Variants in FHIT observed in about 807,000 individuals in gnomAD.
The protein encoded by FHIT is fragile histidine triad diadenosine triphosphatase.
In FHIT, 19 loss-of-function variants were observed where a neutral mutation model predicts 17.9. The observed-to-expected ratio is 1.06, with a 90% CI of 0.74 to 1.56. The LOEUF (loss-of-function observed/expected upper bound fraction) is 1.56, where lower values mean the gene tolerates loss of function less well. Among genes scored for constraint, FHIT ranks in the 40% most tolerant of loss-of-function variants. The pLI, the probability that FHIT is intolerant of heterozygous loss-of-function variation, is 0.00. For synonymous variants in FHIT, 81 were observed against 69.7 expected (o/e 1.16, Z -0.81); for missense variants, 248 against 189.2 (o/e 1.31, Z -1.82).
At position 60,312,105 on chromosome 3, in the gene FHIT, A is replaced by G. The variant is rs75071295; in HGVS notation, c.103+224755T>C. ...ACTGTTTGGTGAAACCTTTAATTATATATGTGTAGGAGTATAGATGCTCTC... is the reference window on the plus strand; with the variant it reads ...ACTGTTTGGTGAAACCTTTAATTATGTATGTGTAGGAGTATAGATGCTCTC... On this transcript the variant is annotated intron_variant, in intron 5 of 9. Coordinates refer to ENST00000492590, the MANE Select transcript of FHIT (RefSeq NM_002012.4). Among the ~76,000 whole-genome samples the G allele has an allele frequency of 3.9e-3, 587 of 152,300 alleles. 2 individuals are homozygous for G. Among genetic ancestry groups the G allele is most frequent in the African/African-American group, 0.013 (555 of 41,558 alleles).
At chr3:60,521,744 G>A (rs1424576419) in intron 5 of FHIT, among the ~76,000 whole-genome samples, 1 of 152,156 alleles carries the variant, frequency 6.6e-6, no homozygotes, top group East Asian at 1.9e-4. Flanking sequence ...CCCCATATGG[G>A]ACTAAAATAC....
chr3:61,086,633 G>C lies in FHIT; in HGVS notation c.-163-44534C>G, dbSNP rs1052247597. ...CACTTCAATGCACCTCCTCCCTCCA[G>C]GGTTCTGACCCCTCAAGTCCTGGAT... On this transcript the variant is annotated intron_variant, in intron 2 of 9. Coordinates refer to ENST00000492590, the MANE Select transcript of FHIT (RefSeq NM_002012.4). Among the ~76,000 whole-genome samples, 5 of 152,104 alleles carry C rather than the reference G, an allele frequency of 3.3e-5. No individual in the cohort carries two copies. In the East Asian group the frequency reaches 9.7e-4, roughly 29 times the overall value.
intron 5 of FHIT, among the ~76,000 whole-genome samples, chr3:60,304,278 A>G (rs1708574559): frequency 6.6e-6 from 1 of 152,124 alleles, no homozygotes; most frequent in Non-Finnish European, 1.5e-5. Flanking sequence ...TTTGGCAAGT[A>G]AATCAACAAT....
At chr3:60,148,033 T>G (rs1437632233) in intron 5 of FHIT, among the ~76,000 whole-genome samples, 1 of 152,158 alleles carries the variant, frequency 6.6e-6, no homozygotes, top group East Asian at 1.9e-4. Context: ...TGGGATGTGC[T>G]AGATTAATGG....
At chr3:60,264,698 C>CTCCTTT (rs1450961328) in intron 5 of FHIT, among the ~76,000 whole-genome samples, 2 of 151,938 alleles carry the variant, frequency 1.3e-5, no homozygotes, top group Non-Finnish European at 2.9e-5. Context: ...AATGTGGACT[C>CTCCTTT]TCCTTTTCTC....
At chr3:60,225,405 A>G (rs1229841786) in intron 5 of FHIT, among the ~76,000 whole-genome samples, 1 of 152,242 alleles carries the variant, frequency 6.6e-6, no homozygotes, top group East Asian at 1.9e-4. Flanking sequence ...GGAGGAAAGA[A>G]GACAGAGTAT....
At chr3:60,552,841 T>A (rs1426897411) in intron 4 of FHIT, among the ~76,000 whole-genome samples, 1 of 152,226 alleles carries the variant, frequency 6.6e-6, no homozygotes, top group East Asian at 1.9e-4. Flanking sequence ...CATTTATTTC[T>A]GAGTGGGGCC....
intron 3 of FHIT, among the ~76,000 whole-genome samples, chr3:60,887,711 G>C (rs576884542): frequency 2.6e-5 from 4 of 152,172 alleles, no homozygotes; most frequent in East Asian, 3.9e-4. Context: ...TACCAAAAAA[G>C]GGTTCTGACT....
At chr3:60,495,319 C>T (rs1257561242) in intron 5 of FHIT, among the ~76,000 whole-genome samples, 1 of 152,114 alleles carries the variant, frequency 6.6e-6, no homozygotes, top group Non-Finnish European at 1.5e-5. Flanking sequence ...CAAATACATT[C>T]TCTAATTCTT....
intron 2 of FHIT, among the ~76,000 whole-genome samples, chr3:61,186,924 G>A (rs1001534128): frequency 6.6e-6 from 1 of 152,114 alleles, no homozygotes; most frequent in Admixed American, 6.5e-5. Context: ...TCCAAATGAG[G>A]AGGCCTGCTA....
intron 3 of FHIT, among the ~76,000 whole-genome samples, chr3:60,883,226 CA>C (rs1176939147): frequency 1.3e-5 from 2 of 151,748 alleles, no homozygotes; most frequent in African/African-American, 2.4e-5. Flanking sequence ...GATCTGGTTA[CA>C]AAAAAAGGAA....
intron 4 of FHIT, chr3:60,732,337 C>T (rs868968980): frequency 4.3e-6 from 4 of 920,750 alleles, no homozygotes; most frequent in Middle Eastern, 2.2e-4. Flanking sequence ...CCAGCATTTG[C>T]CATGGGCAAG....
chr3:61,037,070 C>A (rs1191845494), intron 3 of FHIT, among the ~76,000 whole-genome samples: 1 of 152,096 alleles, frequency 6.6e-6, no homozygotes, highest in African/African-American at 2.4e-5. Context: ...CGCCACTGCA[C>A]CCGGCTAATT....
At chr3:60,506,977 A>C (rs2034758627) in intron 5 of FHIT, among the ~76,000 whole-genome samples, 1 of 152,162 alleles carries the variant, frequency 6.6e-6, no homozygotes, top group African/African-American at 2.4e-5. Flanking sequence ...ATAGTGCTGA[A>C]GTTACTATAG....
chr3:61,167,628 C>CAAAAAAAA (rs34229498), intron 2 of FHIT, among the ~76,000 whole-genome samples: 2 of 98,958 alleles, frequency 2.0e-5, no homozygotes, highest in African/African-American at 7.4e-5. Flanking sequence ...AACTGTGTCT[C>CAAAAAAAA]AAAAAAAAAA....
chr3:59,803,196 A>G (rs1389241313), intron 8 of FHIT, among the ~76,000 whole-genome samples: 1 of 152,252 alleles, frequency 6.6e-6, no homozygotes, highest in Non-Finnish European at 1.5e-5. Flanking sequence ...TTAAAAGCTC[A>G]GTACATTAAT....
intron 8 of FHIT, among the ~76,000 whole-genome samples, chr3:59,845,569 A>C (rs1701688593): frequency 6.6e-6 from 1 of 152,090 alleles, no homozygotes; most frequent in African/African-American, 2.4e-5. Flanking sequence ...CAATTTTCAC[A>C]AATTTTTGAA....
At chr3:61,211,856 C>A (rs545871794) in intron 1 of FHIT, among the ~76,000 whole-genome samples, 44 of 152,318 alleles carry the variant, frequency 2.9e-4, no homozygotes, top group African/African-American at 1.1e-3. Context: ...CACGAAAATC[C>A]GCTGTTCTGC....
chr3:61,030,923 G>A (rs1410737195), intron 3 of FHIT, among the ~76,000 whole-genome samples: 1 of 152,142 alleles, frequency 6.6e-6, no homozygotes, highest in Non-Finnish European at 1.5e-5. Flanking sequence ...GGAGAGTAAG[G>A]GGAGAAGGCA....
Sources: allele counts gnomAD v4.1 joint callset (sites outside exome capture counted in the v4.1 genomes callset), GRCh38; gene constraint gnomAD v4.1.1; transcripts MANE v1.5; gene names NCBI Gene and HGNC (gene_info 2026-07-23, HGNC 2026-07-21).